SYT10: variants seen among roughly 807,000 people sequenced by gnomAD.
SYT10 encodes the protein synaptotagmin-10.
A neutral mutation model predicts 51.1 loss-of-function variants in SYT10; 31 were observed. The observed-to-expected ratio is 0.61, with a 90% CI of 0.46 to 0.82. The LOEUF is 0.82. Among genes scored for constraint, SYT10 ranks in the 40% least tolerant of loss-of-function variants. The pLI is 0.00. For synonymous variants in SYT10, 233 were observed against 225.9 expected, an observed-to-expected ratio of 1.03 and a Z score of -0.28; for missense variants, 603 against 634.0, an observed-to-expected ratio of 0.95 and a Z score of 0.53.
intron 1 of SYT10, among the ~76,000 whole-genome samples, chr12:33,437,402 C>A (rs1199795915): frequency 6.6e-6 from 1 of 152,214 alleles, no homozygotes; most frequent in African/African-American, 2.4e-5. Flanking sequence ...ACAACTACTT[C>A]TTGCAGTGAT....
intron 1 of SYT10, 91 bp downstream of exon 1, chr12:33,439,281 C>A: frequency 6.8e-7 from 1 of 1,470,776 alleles, no homozygotes; most frequent in South Asian, 1.3e-5. Flanking sequence ...GCCGCGGGAG[C>A]GGCGCGGGAG....
intron 2 of SYT10, among the ~76,000 whole-genome samples, chr12:33,420,707 ATATT>A (rs1866495892): frequency 6.6e-6 from 1 of 152,158 alleles, no homozygotes; most frequent in Non-Finnish European, 1.5e-5. Context: ...GTATAAGACA[ATATT>A]TATAACTACC....
At chr12:33,407,908 C>T (rs1160432755) in intron 2 of SYT10, 2 of 152,244 alleles carry the variant, frequency 1.3e-5, no homozygotes, top group African/African-American at 2.4e-5. Flanking sequence ...CAACACGTGG[C>T]TGGCCAATGT....
intron 3 of SYT10, among the ~76,000 whole-genome samples, chr12:33,400,569 C>G (rs1346112425): frequency 1.0e-5 from 1 of 96,398 alleles, no homozygotes; most frequent in Non-Finnish European, 1.9e-5. Flanking sequence ...GTGTAGAACA[C>G]AGTTGGTGCA....
intron 6 of SYT10, among the ~76,000 whole-genome samples, chr12:33,378,432 A>C (rs1866084108): frequency 6.6e-6 from 1 of 152,188 alleles, no homozygotes; most frequent in East Asian, 1.9e-4. Context: ...TTCTCCCTGC[A>C]TCATCCCTGT....
chr12:33,436,575 G>C (rs192714147), intron 1 of SYT10, among the ~76,000 whole-genome samples: 221 of 152,192 alleles, frequency 1.5e-3, no homozygotes, highest in Non-Finnish European at 2.6e-4. Flanking sequence ...ATCCTCAATG[G>C]CAACAATACT....
Position 33,406,930 on chromosome 12 carries a change from T to C in SYT10, c.936A>G (p.Arg312=). 2 of 1,614,114 alleles carry C rather than the reference T, an allele frequency of 1.2e-6. No homozygotes were observed. Among genetic ancestry groups the C allele is most frequent in the Non-Finnish European group, 1.7e-6 (2 of 1,180,026 alleles). Residue 312 remains arginine, a synonymous_variant, in exon 3 of 7, where the codon CGA becomes CGG. Transcript: ENST00000228567. ...FPVAYDQLSN[R]KLHFSVYDFD... Reference sequence around the variant, plus strand: ...AATCATACACACTGAAATGTAGTTTTCGGTTGCTTAGTTGATCATATGCTA... The same window carrying C: ...AATCATACACACTGAAATGTAGTTTCCGGTTGCTTAGTTGATCATATGCTA...
At chr12:33,411,512 C>T (rs1471495883) in intron 2 of SYT10, among the ~76,000 whole-genome samples, 2 of 151,160 alleles carry the variant, frequency 1.3e-5, no homozygotes, top group African/African-American at 4.9e-5. Flanking sequence ...AAAATAACAA[C>T]AAAGTAAAAT....
At chr12:33,416,961 G>A (rs1485062984) in intron 2 of SYT10, among the ~76,000 whole-genome samples, 2 of 152,162 alleles carry the variant, frequency 1.3e-5, no homozygotes, top group African/African-American at 4.8e-5. Context: ...GCAAGTATAT[G>A]GGATAGATCC....
In SYT10 at chr12:33,376,887, C is replaced by T. The variant is rs199704172; in HGVS notation, c.1515G>A (p.Ala505=). The change falls in exon 7 of 7, where the codon GCG becomes GCA. Residue 505 remains alanine, a synonymous_variant. Transcript: ENST00000228567. ...WHPLLELPGR[A]TSFDSQGSCP... is the part of the protein sequence containing the mutation. ...AGGATCCTTGACTATCAAAACTGGT[C>T]GCCCGGCCAGGTAACTGAAAGACAA... is the stretch of plus-strand genomic sequence containing the variant. 1.4e-4 allele frequency: 219 copies of T among 1,613,772 alleles called. 1 individual carries two copies. In the Middle Eastern group the frequency reaches 3.5e-3, roughly 25 times the overall value.
intron 2 of SYT10, among the ~76,000 whole-genome samples, chr12:33,414,072 CAA>C (rs1231566563): frequency 6.6e-6 from 1 of 151,700 alleles, no homozygotes; most frequent in Non-Finnish European, 1.5e-5. Context: ...CAACAAAGAT[CAA>C]AAGAGACAAA....
At chr12:33,428,900 T>C (rs1668025431) in intron 1 of SYT10, among the ~76,000 whole-genome samples, 1 of 134,936 alleles carries the variant, frequency 7.4e-6, no homozygotes, top group Non-Finnish European at 1.5e-5. Flanking sequence ...AGTGAGACTC[T>C]GCTTCAGAAA....
chr12:33,394,204 T>A (rs1452227132), intron 3 of SYT10, among the ~76,000 whole-genome samples: 3 of 152,196 alleles, frequency 2.0e-5, no homozygotes, highest in Non-Finnish European at 4.4e-5. Context: ...TGATAGATAT[T>A]GAAAAATCTA....
intron 1 of SYT10, among the ~76,000 whole-genome samples, chr12:33,434,812 A>C (rs1323427362): frequency 2.6e-5 from 4 of 152,244 alleles, no homozygotes; most frequent in African/African-American, 4.8e-5. Context: ...TCTCAAAAAA[A>C]TAAAATAAAA....
At chr12:33,390,145 C>G (rs1200156169) in intron 3 of SYT10, among the ~76,000 whole-genome samples, 1 of 152,196 alleles carries the variant, frequency 6.6e-6, no homozygotes, top group Non-Finnish European at 1.5e-5. Flanking sequence ...GCTTTGTTTG[C>G]TATAGTCCTG....
At chr12:33,439,270 T>C (rs1253594992) in intron 1 of SYT10, 102 bp downstream of exon 1, 14 of 1,438,890 alleles carry the variant, frequency 9.7e-6, no homozygotes, top group African/African-American at 1.4e-5. Context: ...GCCCCAAATA[T>C]GCCGCGGGAG....
At chr12:33,431,233 C>A (rs1866594419) in intron 1 of SYT10, among the ~76,000 whole-genome samples, 1 of 152,148 alleles carries the variant, frequency 6.6e-6, no homozygotes, top group Non-Finnish European at 1.5e-5. Context: ...TCATTGCTAA[C>A]TTCCCAAGGG....
At chr12:33,389,593 G>T (rs1866186901) in intron 3 of SYT10, among the ~76,000 whole-genome samples, 1 of 152,074 alleles carries the variant, frequency 6.6e-6, no homozygotes, top group Non-Finnish European at 1.5e-5. Context: ...CTGAGGGAAA[G>T]TTTGAATTCA....
chr12:33,436,124 C>G (rs1866635710), intron 1 of SYT10, among the ~76,000 whole-genome samples: 1 of 152,078 alleles, frequency 6.6e-6, no homozygotes, highest in Admixed American at 6.5e-5. Context: ...TTTTAAGCAA[C>G]ATAGGTTCCT....
Sources: gnomAD v4.1 joint callset for allele counts (sites outside exome capture counted in the v4.1 genomes callset) on GRCh38, gnomAD v4.1.1 for gene constraint, MANE v1.5 for transcripts, NCBI Gene and HGNC (gene_info 2026-07-23, HGNC 2026-07-21) for gene names.